TPO: variants seen among roughly 807,000 people sequenced by gnomAD.
TPO encodes the protein thyroid microsomal antigen.
Under a neutral mutation model 96.9 loss-of-function variants are expected in TPO, and 78 were observed. The observed-to-expected ratio is 0.81, with a 90% CI of 0.67 to 0.97. The LOEUF (loss-of-function observed/expected upper bound fraction) is 0.97, where lower values mean the gene tolerates loss of function less well. TPO is among the 50% of genes least tolerant of loss of function. The pLI is 0.00. For synonymous variants in TPO, 547 were observed against 538.0 expected (o/e 1.02, Z -0.23); for missense variants, 1,252 against 1,274.8 (o/e 0.98, Z 0.27).
chr2:1,426,368 A>T (rs1433792027), intron 3 of TPO, among the ~76,000 whole-genome samples: 1 of 150,438 alleles, frequency 6.6e-6, no homozygotes, highest in Non-Finnish European at 1.5e-5. Context: ...TCCTTCCATA[A>T]AGTCATTTTT....
At chr2:1,513,105 C>A (rs540765886) in intron 14 of TPO, among the ~76,000 whole-genome samples, 4 of 152,336 alleles carry the variant, frequency 2.6e-5, no homozygotes, top group Non-Finnish European at 5.9e-5. Flanking sequence ...CCAGCAGGAC[C>A]CAGCACTGTC....
At chr2:1,457,911 T>C (rs6588671) in intron 7 of TPO, among the ~76,000 whole-genome samples, 68,092 of 130,922 alleles carry the variant, frequency 0.52, 18,867 homozygotes, top group East Asian at 0.76. Flanking sequence ...TATAAGATAG[T>C]GTGTGGGCAC....
At chr2:1,383,615 G>T (rs919107768) in intron 1 of TPO, among the ~76,000 whole-genome samples, 4 of 152,046 alleles carry the variant, frequency 2.6e-5, no homozygotes, top group Non-Finnish European at 4.4e-5. Context: ...GTAGATTCTG[G>T]GTATCAGCCC....
Position 1,493,887 on chromosome 2 carries a change from G to A in TPO, c.1854G>A (p.Val618=). The change falls in exon 11 of 17, where the codon GTG becomes GTA. Residue 618 remains valine (V), a synonymous_variant. Coordinates refer to ENST00000329066, the MANE Select transcript of TPO (RefSeq NM_001206744.2). ...DLSTAIASRS[V]ADKILDLYKH... ...GCACAGCCATCGCCAGCAGGAGCGT[G>A]GCCGACAAGATCCTGGACTTGTACA... 6.2e-7 allele frequency: 1 copy of A among 1,614,196 alleles called. No individual in the cohort carries two copies. Among genetic ancestry groups the A allele is most frequent in the Non-Finnish European group, 8.5e-7 (1 of 1,180,028 alleles).
intron 15 of TPO, among the ~76,000 whole-genome samples, chr2:1,534,670 C>T (rs1479774190): frequency 3.6e-4 from 53 of 148,098 alleles, no homozygotes; most frequent in Non-Finnish European, 6.5e-4. Flanking sequence ...AATACCCCCC[C>T]CACTCTGTGC....
At chr2:1,457,943 TAGTG>T (rs61336098) in intron 7 of TPO, among the ~76,000 whole-genome samples, 5,524 of 146,652 alleles carry the variant, frequency 0.038, 211 homozygotes, top group East Asian at 0.12. Flanking sequence ...GCACATAAGA[TAGTG>T]TGTGGGCACG....
At chr2:1,500,932 A>C (rs898141186) in intron 13 of TPO, among the ~76,000 whole-genome samples, 4 of 150,558 alleles carry the variant, frequency 2.7e-5, no homozygotes, top group African/African-American at 7.3e-5. Flanking sequence ...AGATTGCACC[A>C]CTGCACTCCA....
intron 15 of TPO, among the ~76,000 whole-genome samples, chr2:1,537,399 A>G (rs1573660434): frequency 9.3e-6 from 1 of 107,084 alleles, no homozygotes; most frequent in Admixed American, 1.1e-4. Context: ...AAATCCCCCC[A>G]CTGTGAGCAA....
At position 1,477,050 on chromosome 2, in the gene TPO, G is replaced by T. The variant is rs1405727478; in HGVS notation, c.820-36G>T. ...CAGAGTCTTACAAAGGGTGCACGGG[G>T]GCCCTGGGTGACCTTGAACTCCCCT... On this transcript the variant is annotated intron_variant, in intron 7 of 16. Transcript: ENST00000329066. The T allele has an allele frequency of 1.9e-6, 3 of 1,590,128 alleles. No individual in the cohort carries two copies. The East Asian group carries it at 6.7e-5, about 36-fold the overall frequency.
intron 1 of TPO, among the ~76,000 whole-genome samples, chr2:1,400,621 CAAA>C (rs34465338): frequency 1.4e-4 from 18 of 126,794 alleles, no homozygotes; most frequent in African/African-American, 5.4e-4. Flanking sequence ...ACATGCGTCT[CAAA>C]AAAAAAAAAA....
chr2:1,396,176 G>A (rs968781524), intron 1 of TPO, among the ~76,000 whole-genome samples: 13 of 152,228 alleles, frequency 8.5e-5, no homozygotes, highest in African/African-American at 2.9e-4. Context: ...CTGGGGAGGA[G>A]GCAGAGGGGA....
At chr2:1,489,625 A>G (rs1297759129) in intron 10 of TPO, among the ~76,000 whole-genome samples, 2 of 151,276 alleles carry the variant, frequency 1.3e-5, no homozygotes, top group Non-Finnish European at 2.9e-5. Context: ...CGACTGGCAC[A>G]GAACAGGCAC....
intron 14 of TPO, among the ~76,000 whole-genome samples, chr2:1,506,945 A>G (rs1447477956): frequency 1.2e-4 from 19 of 152,052 alleles, no homozygotes; most frequent in Admixed American, 4.6e-4. Flanking sequence ...TGTTTTAGAC[A>G]TGAAGTCCTT....
intron 8 of TPO, among the ~76,000 whole-genome samples, chr2:1,480,558 CTACACACACACACA>C (rs1670454604): frequency 2.8e-5 from 1 of 35,354 alleles, no homozygotes; most frequent in African/African-American, 1.5e-4. Context: ...CTCAAACCCC[CTACACACACACACA>C]CACACACACA....
intron 15 of TPO, among the ~76,000 whole-genome samples, chr2:1,539,001 T>G (rs1177947989): frequency 6.6e-6 from 1 of 152,108 alleles, no homozygotes; most frequent in African/African-American, 2.4e-5. Flanking sequence ...AATGCCCCTA[T>G]TCCTATAAGG....
At chr2:1,505,513 A>C (rs1673347490) in intron 14 of TPO, among the ~76,000 whole-genome samples, 5 of 16,382 alleles carry the variant, frequency 3.1e-4, no homozygotes, top group Non-Finnish European at 3.2e-4. Flanking sequence ...CCCCACCACC[A>C]TCCTGTGTCA....
intron 1 of TPO, among the ~76,000 whole-genome samples, chr2:1,403,348 G>A (rs1450014039): frequency 6.6e-6 from 1 of 152,178 alleles, no homozygotes; most frequent in African/African-American, 2.4e-5. Flanking sequence ...AGGCCCAGAT[G>A]GACACCACTT....
chr2:1,438,791 T>G, intron 5 of TPO: 1 of 702,510 alleles, frequency 1.4e-6, no homozygotes, highest in Non-Finnish European at 2.6e-6. Context: ...TTTTTTTTTT[T>G]TTTTTGCAAA....
chr2:1,419,017 C>T (rs952737675), intron 2 of TPO, among the ~76,000 whole-genome samples: 2 of 152,208 alleles, frequency 1.3e-5, no homozygotes, highest in African/African-American at 4.8e-5. Context: ...TTAACATAAA[C>T]AGCCTTTGGA....
Sources: gnomAD v4.1 joint callset for allele counts (sites outside exome capture counted in the v4.1 genomes callset) on GRCh38, gnomAD v4.1.1 for gene constraint, MANE v1.5 for transcripts, NCBI Gene and HGNC (gene_info 2026-07-23, HGNC 2026-07-21) for gene names.